Variants in ARL14EP observed in about 807,000 individuals in gnomAD.
The protein encoded by ARL14EP is ARF like GTPase 14 effector protein.
In ARL14EP, 12 loss-of-function variants were observed where a neutral mutation model predicts 23.1. The observed-to-expected ratio is 0.52, with a 90% CI of 0.33 to 0.84. The LOEUF (loss-of-function observed/expected upper bound fraction) is 0.84, where lower values mean the gene tolerates loss of function less well. Among genes scored for constraint, ARL14EP ranks in the 40% least tolerant of loss-of-function variants. The probability of loss-of-function intolerance (pLI) is 0.02; values close to 1 mark genes in which losing one functional copy is unlikely to be tolerated. For synonymous variants in ARL14EP, 97 were observed against 102.0 expected (o/e 0.95, Z 0.29); for missense variants, 253 against 307.3 (o/e 0.82, Z 1.32).
intron 1 of ARL14EP, among the ~76,000 whole-genome samples, chr11:30,326,108 A>G (rs1202956101): frequency 2.0e-5 from 3 of 152,226 alleles, no homozygotes; most frequent in Non-Finnish European, 4.4e-5. Context: ...CTGTAAGGCA[A>G]ATACATATCT....
chr11:30,328,707 T>A (rs1717775), intron 1 of ARL14EP: 1 of 152,096 alleles, frequency 6.6e-6, no homozygotes, highest in East Asian at 1.9e-4. Context: ...GGCCAGAGTC[T>A]TCTTTTTATA....
At chr11:30,336,368 TAG>T (rs1438743042) in intron 3 of ARL14EP, among the ~76,000 whole-genome samples, 197 bp from the exon 4 acceptor site, 1 of 151,240 alleles carries the variant, frequency 6.6e-6, no homozygotes, top group Non-Finnish European at 1.5e-5. Context: ...CAACACTCTA[TAG>T]AGTTAGGTCT....
At chr11:30,335,776 ATGTGTGTGTG>A (rs10601449) in intron 3 of ARL14EP, among the ~76,000 whole-genome samples, 3 of 146,998 alleles carry the variant, frequency 2.0e-5, no homozygotes, top group Admixed American at 6.8e-5. Context: ...ATATATATAT[ATGTGTGTGTG>A]TGTGTGTGTG....
intron 3 of ARL14EP, among the ~76,000 whole-genome samples, chr11:30,335,557 C>G (rs1178544175): frequency 6.6e-6 from 1 of 152,200 alleles, no homozygotes; most frequent in African/African-American, 2.4e-5. Flanking sequence ...CCTCCCTGAT[C>G]AGTCAGCTGT....
intron 1 of ARL14EP, among the ~76,000 whole-genome samples, chr11:30,323,545 TTATCTC>T (rs1202844835): frequency 6.6e-6 from 1 of 152,232 alleles, no homozygotes; most frequent in African/African-American, 2.4e-5. Flanking sequence ...TAGACAGCCT[TTATCTC>T]TGCTATTTTT....
intron 2 of ARL14EP, among the ~76,000 whole-genome samples, chr11:30,332,631 C>T (rs545193819): frequency 1.1e-4 from 16 of 152,136 alleles, no homozygotes; most frequent in African/African-American, 3.6e-4. Context: ...TCCTAATATA[C>T]CAGAGACTAA....
In ARL14EP at chr11:30,332,881, G is replaced by T. The variant is rs1252591927; in HGVS notation, c.442G>T (p.Ala148Ser). 6.2e-7 allele frequency: 1 copy of T among 1,613,378 alleles called. No homozygotes were observed. Among genetic ancestry groups the T allele is most frequent in the Non-Finnish European group, 8.5e-7 (1 of 1,179,508 alleles). The change falls in exon 3 of 4, where the codon GCT becomes TCT. Residue 148 changes from alanine to serine, a missense_variant. Physicochemically the swap from Ala to Ser is moderately conservative, Grantham distance 99. Coordinates refer to ENST00000282032, the MANE Select transcript of ARL14EP (RefSeq NM_152316.3). ...CTTTCTTCAGGGAAGAACTGCTAAA[G>T]CTTTGAGGTCATTACAATTTACGAA... Reference protein sequence around the residue: ...KPESDGRTAKALRSLQFTNPG... With the variant: ...KPESDGRTAKSLRSLQFTNPG...
intron 3 of ARL14EP, among the ~76,000 whole-genome samples, chr11:30,335,963 T>C (rs138147099): frequency 0.012 from 1,783 of 152,280 alleles, 71 homozygotes; most frequent in Admixed American, 0.077. Context: ...AATGCAGTTC[T>C]GTATAGTCAA....
In ARL14EP at chr11:30,332,899, T is replaced by C; in HGVS notation, c.460T>C (p.Phe154Leu). Residue 154 changes from phenylalanine to leucine, a missense_variant, in exon 3 of 4, where the codon TTT becomes CTT. By Grantham distance (22) the Phe-to-Leu change is conservative (BLOSUM62 0). Coordinates refer to ENST00000282032, the MANE Select transcript of ARL14EP (RefSeq NM_152316.3). ...RTAKALRSLQ[F>L]TNPGRQTEFA... Reference sequence around the variant, plus strand: ...TGCTAAAGCTTTGAGGTCATTACAATTTACGAATCCAGGAAGGCAAACTGA... The same window carrying C: ...TGCTAAAGCTTTGAGGTCATTACAACTTACGAATCCAGGAAGGCAAACTGA... The C allele has an allele frequency of 6.2e-7, 1 of 1,613,612 alleles. No homozygotes were observed. The highest frequency in any genetic ancestry group is 8.5e-7 in the Non-Finnish European group (1 of 1,179,684).
intron 2 of ARL14EP, chr11:30,331,610 GC>G: frequency 7.3e-7 from 1 of 1,370,764 alleles, no homozygotes; most frequent in Non-Finnish European, 9.4e-7. Flanking sequence ...AAGACTCCAA[GC>G]TACAACTTTT....
intron 2 of ARL14EP, 162 bp downstream of exon 2, chr11:30,331,536 T>C: frequency 6.9e-7 from 1 of 1,459,122 alleles, no homozygotes; most frequent in Non-Finnish European, 9.0e-7. Context: ...TATTCACATA[T>C]ACTGAAGGTC....
chr11:30,328,165 A>G (rs1345953786), intron 1 of ARL14EP: 4 of 147,096 alleles, frequency 2.7e-5, no homozygotes, highest in African/African-American at 1.0e-4. Context: ...ATTTTTTGAG[A>G]TGAGAGTCTC....
intron 1 of ARL14EP, among the ~76,000 whole-genome samples, chr11:30,326,014 A>G (rs1299783349): frequency 2.0e-5 from 3 of 152,204 alleles, no homozygotes; most frequent in Admixed American, 6.5e-5. Flanking sequence ...GCAGTTTTCT[A>G]TTGAAGCAGA....
chr11:30,326,158 T>C (rs1157280054), intron 1 of ARL14EP, among the ~76,000 whole-genome samples: 1 of 152,234 alleles, frequency 6.6e-6, no homozygotes, highest in East Asian at 1.9e-4. Context: ...CTATAAAATA[T>C]AGAAGATATC....
In ARL14EP at chr11:30,336,443, A is replaced by G; in HGVS notation, c.555-124A>G. 9.6e-6 allele frequency: 8 copies of G among 837,402 alleles called. No homozygotes were observed. The Admixed American group carries it at 1.0e-4, about 11-fold the overall frequency. The allele number at this position is 837,402 out of a possible 1,614,324, so 51.9% of individuals were successfully genotyped here. On this transcript the variant is annotated intron_variant, in intron 3 of 3. Coordinates refer to ENST00000282032, the MANE Select transcript of ARL14EP (RefSeq NM_152316.3). ...GAATAAGCCTTGAGCCTGATAAATT[A>G]TAGATGATTTTGGCATGACCTCATC... is the stretch of plus-strand genomic sequence containing the variant.
In ARL14EP at chr11:30,337,100, T is replaced by A. The variant is rs1947339725; in HGVS notation, c.*305T>A. 1 of 327,358 alleles carries A rather than the reference T, an allele frequency of 3.1e-6. No individual in the cohort carries two copies. The highest frequency in any genetic ancestry group is 2.1e-5 in the African/African-American group (1 of 46,588). 20.3% of individuals were successfully genotyped at this position (327,358 alleles called of 1,614,324 possible). On this transcript the variant is annotated 3_prime_UTR_variant, in exon 4 of 4. Coordinates refer to ENST00000282032, the MANE Select transcript of ARL14EP (RefSeq NM_152316.3). ...CCTAGATTTAGTTTAAATACCAGTT[T>A]CCTTACCAGGAAGGAAAGAAAACTG...
chr11:30,328,173 C>T (rs1412946697), intron 1 of ARL14EP: 1 of 149,496 alleles, frequency 6.7e-6, no homozygotes, highest in Admixed American at 6.7e-5. Context: ...AGATGAGAGT[C>T]TCGCTTTGTC....
intron 1 of ARL14EP, chr11:30,328,794 T>C (rs1328957506): frequency 1.3e-5 from 2 of 152,100 alleles, no homozygotes; most frequent in African/African-American, 2.4e-5. Flanking sequence ...GTTTTTGTTT[T>C]TTTTTTAATT....
chr11:30,323,873 AATG>A (rs1565006460), intron 1 of ARL14EP, among the ~76,000 whole-genome samples: 5 of 152,160 alleles, frequency 3.3e-5, no homozygotes. Flanking sequence ...AGGTTCCTGA[AATG>A]ATGTTTGCCC....
Sources: gnomAD v4.1 joint callset for allele counts (sites outside exome capture counted in the v4.1 genomes callset) on GRCh38, gnomAD v4.1.1 for gene constraint, MANE v1.5 for transcripts, NCBI Gene and HGNC (gene_info 2026-07-23, HGNC 2026-07-21) for gene names.